PDE4D: variants seen among roughly 807,000 people sequenced by gnomAD.
PDE4D encodes phosphodiesterase 4D, also known as 3',5'-cyclic-AMP phosphodiesterase 4D.
PDE4D carries 24 observed loss-of-function variants against 87.4 expected under a neutral mutation model. That is an observed-to-expected ratio of 0.27 (90% confidence interval 0.20 to 0.39). PDE4D has a LOEUF of 0.39. Ranked by LOEUF, PDE4D falls within the 10% of genes least tolerant of loss-of-function variation. The probability of loss-of-function intolerance (pLI) is 1.00; values close to 1 mark genes in which losing one functional copy is unlikely to be tolerated. For missense variants in PDE4D, 714 were observed against 1,041.0 expected, an observed-to-expected ratio of 0.69 and a Z score of 4.32; for synonymous variants, 384 against 383.2, an observed-to-expected ratio of 1.00 and a Z score of -0.02.
intron 1 of PDE4D, among the ~76,000 whole-genome samples, chr5:59,354,818 A>C (rs1257129555): frequency 2.0e-5 from 3 of 152,258 alleles, no homozygotes; most frequent in Admixed American, 2.0e-4. Flanking sequence ...TTTATCAAAT[A>C]GGCATTACTG....
intron 2 of PDE4D, among the ~76,000 whole-genome samples, chr5:60,057,112 C>T: frequency 6.6e-6 from 1 of 151,966 alleles, no homozygotes; most frequent in East Asian, 1.9e-4. Context: ...TATATAATTT[C>T]ATGCCCACTT....
chr5:60,265,822 G>C (rs970557859), intron 1 of PDE4D, among the ~76,000 whole-genome samples: 1 of 152,138 alleles, frequency 6.6e-6, no homozygotes, highest in Admixed American at 6.5e-5. Context: ...GCTGAGCCCC[G>C]AGTCAGGGCA....
intron 5 of PDE4D, among the ~76,000 whole-genome samples, chr5:59,084,577 T>G (rs544039936): frequency 2.6e-5 from 4 of 151,782 alleles, no homozygotes; most frequent in Non-Finnish European, 5.9e-5. Flanking sequence ...ATTCTTAATC[T>G]CTAAAGAACA....
At chr5:59,935,480 C>T (rs10059859) in intron 3 of PDE4D, among the ~76,000 whole-genome samples, 40,704 of 152,042 alleles carry the variant, frequency 0.27, 11,399 homozygotes, top group African/African-American at 0.71. Flanking sequence ...TTTAGGAATA[C>T]ACAACATACA....
chr5:59,103,387 A>G (rs947313888), intron 5 of PDE4D, among the ~76,000 whole-genome samples: 2 of 152,186 alleles, frequency 1.3e-5, no homozygotes, highest in African/African-American at 4.8e-5. Flanking sequence ...GGCAATCCTC[A>G]GGCCAGATCT....
intron 1 of PDE4D, among the ~76,000 whole-genome samples, chr5:59,526,105 C>A (rs1813078239): frequency 6.6e-6 from 1 of 152,086 alleles, no homozygotes; most frequent in South Asian, 2.1e-4. Context: ...CTGTGATGCA[C>A]AATGGAGCAA....
intron 1 of PDE4D, among the ~76,000 whole-genome samples, chr5:60,266,314 A>G (rs1750201056): frequency 6.6e-6 from 1 of 152,222 alleles, no homozygotes; most frequent in African/African-American, 2.4e-5. Flanking sequence ...GGCTCTGGAG[A>G]GACATAGATA....
intron 3 of PDE4D, among the ~76,000 whole-genome samples, chr5:59,920,802 C>G (rs1054169666): frequency 7.1e-6 from 1 of 140,318 alleles, no homozygotes; most frequent in Admixed American, 8.0e-5. Context: ...TAGGTGGGAA[C>G]TGAACAATGA....
At chr5:60,183,254 G>T (rs1004355893) in intron 2 of PDE4D, among the ~76,000 whole-genome samples, 2 of 152,188 alleles carry the variant, frequency 1.3e-5, no homozygotes, top group African/African-American at 4.8e-5. Context: ...AAGCCACCTA[G>T]TCTATGGTAT....
intron 3 of PDE4D, among the ~76,000 whole-genome samples, chr5:59,910,426 TTA>T (rs1266973642): frequency 6.6e-6 from 1 of 152,228 alleles, no homozygotes; most frequent in Non-Finnish European, 1.5e-5. Context: ...TTTTCTTATT[TTA>T]TGAGCTTACA....
chr5:60,296,036 C>T (rs147400909), intron 1 of PDE4D, among the ~76,000 whole-genome samples: 16 of 152,236 alleles, frequency 1.1e-4, no homozygotes, highest in African/African-American at 2.9e-4. Context: ...GAAGAGTTAA[C>T]GGAGATCCCT....
At chr5:59,570,806 T>A (rs1821706858) in intron 1 of PDE4D, among the ~76,000 whole-genome samples, 1 of 152,146 alleles carries the variant, frequency 6.6e-6, no homozygotes, top group South Asian at 2.1e-4. Context: ...ATACAATGAA[T>A]AGCTATAAAA....
chr5:59,728,017 C>T (rs545382337), intron 1 of PDE4D, among the ~76,000 whole-genome samples: 1 of 152,188 alleles, frequency 6.6e-6, no homozygotes, highest in East Asian at 1.9e-4. Context: ...ACACACGTGA[C>T]CTAATAATAA....
chr5:59,044,135 T>A (rs952032901), intron 5 of PDE4D, among the ~76,000 whole-genome samples: 4 of 152,230 alleles, frequency 2.6e-5, no homozygotes, highest in Non-Finnish European at 4.4e-5. Flanking sequence ...CGCCACACTG[T>A]CTTCCACAAT....
intron 3 of PDE4D, among the ~76,000 whole-genome samples, chr5:59,946,151 A>T (rs552312066): frequency 3.1e-4 from 47 of 152,258 alleles, no homozygotes; most frequent in Non-Finnish European, 5.6e-4. Flanking sequence ...TGGGGGCAGT[A>T]TTCTGGTTTA....
intron 1 of PDE4D, among the ~76,000 whole-genome samples, chr5:60,441,957 T>A (rs1398485124): frequency 2.6e-5 from 4 of 152,102 alleles, no homozygotes; most frequent in African/African-American, 9.7e-5. Flanking sequence ...CTGGAGAGGA[T>A]GTGGAGAAAT....
chr5:59,769,598 T>C (rs1763241008), intron 1 of PDE4D, among the ~76,000 whole-genome samples: 1 of 152,150 alleles, frequency 6.6e-6, no homozygotes, highest in Non-Finnish European at 1.5e-5. Context: ...GGAAAAAAAG[T>C]AAAAATGTTG....
At chr5:59,910,898 GAACT>G (rs1452962572) in intron 3 of PDE4D, among the ~76,000 whole-genome samples, 3 of 152,186 alleles carry the variant, frequency 2.0e-5, no homozygotes, top group African/African-American at 7.2e-5. Context: ...ACTAGACAGT[GAACT>G]AACTGAAGGA....
intron 1 of PDE4D, among the ~76,000 whole-genome samples, chr5:60,223,247 T>C (rs1300371341): frequency 6.6e-6 from 1 of 152,082 alleles, no homozygotes; most frequent in East Asian, 1.9e-4. Context: ...AGACGCCATA[T>C]TACAAAGTCC....
Sources: allele counts gnomAD v4.1 joint callset (sites outside exome capture counted in the v4.1 genomes callset), GRCh38; gene constraint gnomAD v4.1.1; transcripts MANE v1.5; gene names NCBI Gene and HGNC (gene_info 2026-07-23, HGNC 2026-07-21).